The following HDAC9 variants were observed in gnomAD, a reference collection of about 807,000 sequenced individuals.
The protein encoded by HDAC9 is histone deacetylase 9.
Under a neutral mutation model 139.4 loss-of-function variants are expected in HDAC9, and 41 were observed. The observed-to-expected ratio is 0.29, with a 90% CI of 0.23 to 0.38. The LOEUF (loss-of-function observed/expected upper bound fraction) is 0.38. Among genes scored for constraint, HDAC9 ranks in the 10% least tolerant of loss-of-function variants. The probability of loss-of-function intolerance (pLI) is 1.00; values close to 1 mark genes in which losing one functional copy is unlikely to be tolerated. For synonymous variants in HDAC9, 517 were observed against 476.2 expected (o/e 1.09, Z -1.12); for missense variants, 1,147 against 1,297.0 (o/e 0.88, Z 1.78).
In HDAC9 at chr7:18,188,092, CA is replaced by C. The variant is rs1790054668; in HGVS notation, c.25+25746del. Among the ~76,000 whole-genome samples, 3 of 152,300 alleles carry C rather than the reference CA, an allele frequency of 2.0e-5. No homozygotes were observed. In the South Asian group the frequency reaches 6.2e-4, roughly 32 times the overall value. ...CTGGAGGCATCATGCTACCTGATTT[CA>C]AACTATACTACAAGTCTACAGTAAC... On this transcript the variant is annotated intron_variant, in intron 2 of 12. Coordinates refer to the HDAC9 transcript ENST00000417496.
Position 18,895,481 on chromosome 7 carries a change from A to G in HDAC9, c.2803+20885A>G, listed in dbSNP as rs565256712. The stretch of plus-strand genomic sequence containing the variant: ...GAGGATGCTTGGAATTGATAGTATG[A>G]AAGAGTTCTGATTTTTGTTAATCAA... On this transcript the variant is annotated intron_variant, in intron 22 of 25. Coordinates refer to ENST00000686413, the MANE Select transcript of HDAC9 (RefSeq NM_178425.4). 3.3e-5 allele frequency among the ~76,000 whole-genome samples: 5 copies of G among 152,206 alleles called. No homozygotes were observed. The South Asian group carries it at 1.0e-3, about 32-fold the overall frequency.
intron 25 of HDAC9, among the ~76,000 whole-genome samples, chr7:18,987,548 C>G (rs1785468486): frequency 6.6e-6 from 1 of 152,152 alleles, no homozygotes; most frequent in South Asian, 2.1e-4. Flanking sequence ...TGTGTCTCTG[C>G]CAGGCTTTGG....
At chr7:18,743,544 A>G (rs887362603) in intron 13 of HDAC9, among the ~76,000 whole-genome samples, 1 of 151,842 alleles carries the variant, frequency 6.6e-6, no homozygotes, top group Admixed American at 6.6e-5. Flanking sequence ...TTGTTAAAAA[A>G]TGCTGCAGAT....
chr7:18,169,440 A>G (rs779389689), intron 2 of HDAC9, among the ~76,000 whole-genome samples: 4 of 151,498 alleles, frequency 2.6e-5, no homozygotes, highest in African/African-American at 9.7e-5. Flanking sequence ...CCTTGCAGTT[A>G]TGATACATCA....
At chr7:18,691,831 G>T (rs1782695571) in intron 12 of HDAC9, among the ~76,000 whole-genome samples, 1 of 151,962 alleles carries the variant, frequency 6.6e-6, no homozygotes, top group Non-Finnish European at 1.5e-5. Flanking sequence ...TTGCCAATGT[G>T]GGGTAGCCCA....
chr7:18,594,764 A>G (rs920147606), intron 6 of HDAC9, among the ~76,000 whole-genome samples: 6 of 152,110 alleles, frequency 3.9e-5, no homozygotes, highest in African/African-American at 1.2e-4. Context: ...ATACATATAA[A>G]TAGCATTTGT....
intron 12 of HDAC9, among the ~76,000 whole-genome samples, chr7:18,710,714 A>G (rs1784283608): frequency 1.3e-5 from 2 of 152,206 alleles, no homozygotes; most frequent in African/African-American, 4.8e-5. Context: ...ATGCTCCTTG[A>G]TGAGCTAAGC....
intron 21 of HDAC9, among the ~76,000 whole-genome samples, chr7:18,853,676 TCTACTA>T (rs1338367569): frequency 6.6e-6 from 1 of 152,200 alleles, no homozygotes; most frequent in African/African-American, 2.4e-5. Context: ...TCATAACTGT[TCTACTA>T]ATACAGAACT....
intron 21 of HDAC9, among the ~76,000 whole-genome samples, chr7:18,871,334 C>T (rs918684739): frequency 6.6e-6 from 1 of 152,124 alleles, no homozygotes; most frequent in African/African-American, 2.4e-5. Context: ...TTCCCTGATG[C>T]AGTGCTGGAA....
At chr7:18,861,035 T>C (rs1050978316) in intron 21 of HDAC9, among the ~76,000 whole-genome samples, 1 of 152,192 alleles carries the variant, frequency 6.6e-6, no homozygotes, top group South Asian at 2.1e-4. Flanking sequence ...GTAATGCTTA[T>C]GAAACCAAAT....
At chr7:18,775,223 A>G (rs1426641565) in intron 16 of HDAC9, among the ~76,000 whole-genome samples, 1 of 152,062 alleles carries the variant, frequency 6.6e-6, no homozygotes, top group Non-Finnish European at 1.5e-5. Flanking sequence ...AGATAAAATA[A>G]TGATGAAAAA....
intron 2 of HDAC9, among the ~76,000 whole-genome samples, chr7:18,579,027 A>T (rs1395174192): frequency 1.3e-5 from 2 of 152,248 alleles, no homozygotes; most frequent in East Asian, 1.9e-4. Flanking sequence ...GGCAGCACAT[A>T]TCATAGAGGA....
chr7:18,115,189 A>T (rs950724733), intron 1 of HDAC9, among the ~76,000 whole-genome samples: 3 of 151,844 alleles, frequency 2.0e-5, no homozygotes, highest in African/African-American at 7.3e-5. Context: ...GCTACTTGGG[A>T]GGCTGAGGCA....
chr7:18,767,476 A>G (rs1789928086), intron 16 of HDAC9, among the ~76,000 whole-genome samples: 1 of 152,226 alleles, frequency 6.6e-6, no homozygotes, highest in Admixed American at 6.5e-5. Context: ...GCTGGAGAAA[A>G]GGTGCTTCAA....
At chr7:18,777,370 GTCT>G (rs1790863823) in intron 16 of HDAC9, among the ~76,000 whole-genome samples, 1 of 151,822 alleles carries the variant, frequency 6.6e-6, no homozygotes, top group East Asian at 1.9e-4. Context: ...GCATTTTAGT[GTCT>G]TCTTGAATGA....
intron 1 of HDAC9, among the ~76,000 whole-genome samples, chr7:18,159,619 T>A (rs1787480572): frequency 6.6e-6 from 1 of 152,190 alleles, no homozygotes; most frequent in East Asian, 1.9e-4. Flanking sequence ...TGTGCACATA[T>A]GTACAGCAGA....
intron 1 of HDAC9, among the ~76,000 whole-genome samples, chr7:18,092,454 A>G (rs994372496): frequency 5.3e-5 from 8 of 150,998 alleles, no homozygotes; most frequent in Non-Finnish European, 1.0e-4. Flanking sequence ...CCTGACTTTG[A>G]AGCCACTCAA....
intron 1 of HDAC9, among the ~76,000 whole-genome samples, chr7:18,303,896 G>A (rs570976964): frequency 6.6e-6 from 1 of 152,306 alleles, no homozygotes; most frequent in Non-Finnish European, 1.5e-5. Context: ...AGAAATGTCA[G>A]GGCAGCAAGG....
At chr7:18,741,213 G>A (rs1355257390) in intron 13 of HDAC9, among the ~76,000 whole-genome samples, 3 of 152,310 alleles carry the variant, frequency 2.0e-5, no homozygotes, top group East Asian at 3.9e-4. Context: ...TGGAAGAAGA[G>A]ATAGAGAGAA....
Sources: allele counts gnomAD v4.1 joint callset (sites outside exome capture counted in the v4.1 genomes callset), GRCh38; gene constraint gnomAD v4.1.1; transcripts MANE v1.5; gene names NCBI Gene and HGNC (gene_info 2026-07-23, HGNC 2026-07-21).